CACNA2D3: variants seen among roughly 807,000 people sequenced by gnomAD.
CACNA2D3 encodes calcium voltage-gated channel auxiliary subunit alpha2delta 3, also known as voltage-dependent calcium channel subunit alpha-2/delta-3.
In CACNA2D3, 60 loss-of-function variants were observed where a neutral mutation model predicts 160.6. That is an observed-to-expected ratio of 0.37 (90% CI 0.30 to 0.46). The LOEUF (loss-of-function observed/expected upper bound fraction) is 0.46, where lower values mean the gene tolerates loss of function less well. Among genes scored for constraint, CACNA2D3 ranks in the 20% least tolerant of loss-of-function variants. The probability of loss-of-function intolerance (pLI) is 1.00; values close to 1 mark genes in which losing one functional copy is unlikely to be tolerated. For missense variants in CACNA2D3, 1,205 were observed against 1,365.0 expected (o/e 0.88, Z 1.85); for synonymous variants, 558 against 492.9 (o/e 1.13, Z -1.75).
At chr3:54,734,421 G>A (rs934390484) in intron 11 of CACNA2D3, among the ~76,000 whole-genome samples, 2 of 152,140 alleles carry the variant, frequency 1.3e-5, no homozygotes, top group Non-Finnish European at 2.9e-5. Flanking sequence ...CAGGACTACT[G>A]CAACTTCCCT....
rs1575511180 is a variant in CACNA2D3, at chr3:54,539,927, A to G, written c.545-22873A>G. 2.6e-5 allele frequency among the ~76,000 whole-genome samples: 4 copies of G among 152,232 alleles called. No homozygotes were observed. The East Asian group carries it at 7.7e-4, about 29-fold the overall frequency. On this transcript the variant is annotated intron_variant, in intron 5 of 37. Coordinates refer to ENST00000474759, the MANE Select transcript of CACNA2D3 (RefSeq NM_018398.3). Reference sequence around the variant, plus strand: ...CCTGCTTCTGGGTTGGAAGAGAGGAACCGCCATCCATTTTCCCTAAAAGAA... The same window carrying G: ...CCTGCTTCTGGGTTGGAAGAGAGGAGCCGCCATCCATTTTCCCTAAAAGAA...
At chr3:54,954,135 C>T (rs1326753872) in intron 27 of CACNA2D3, among the ~76,000 whole-genome samples, 1 of 152,168 alleles carries the variant, frequency 6.6e-6, no homozygotes, top group African/African-American at 2.4e-5. Context: ...GTTATTTAAT[C>T]ATGTCATCAT....
chr3:54,644,491 A>G (rs1271078921), intron 11 of CACNA2D3, among the ~76,000 whole-genome samples: 4 of 152,234 alleles, frequency 2.6e-5, no homozygotes, highest in African/African-American at 9.6e-5. Context: ...AATACGATTC[A>G]GCATTGTGTT....
intron 16 of CACNA2D3, among the ~76,000 whole-genome samples, chr3:54,843,034 G>T (rs1313055381): frequency 6.8e-6 from 1 of 147,808 alleles, no homozygotes; most frequent in Non-Finnish European, 1.5e-5. Flanking sequence ...CTAGAGTGCA[G>T]TGGTGCAACT....
intron 11 of CACNA2D3, among the ~76,000 whole-genome samples, chr3:54,656,780 C>T (rs1157591686): frequency 6.6e-6 from 1 of 152,248 alleles, no homozygotes; most frequent in Non-Finnish European, 1.5e-5. Context: ...GCCTGTTCTC[C>T]ACACAGCAGC....
rs573216429 is a variant in CACNA2D3 at position 54,635,030 on chromosome 3, A to T, written c.1054-7098A>T. Among the ~76,000 whole-genome samples, 8 of 151,968 alleles carry T rather than the reference A, an allele frequency of 5.3e-5. No homozygotes were observed. The East Asian group carries it at 1.4e-3, about 26-fold the overall frequency. ...GAGTGGTATGGAGAGAGAGTGGACG[A>T]TGTTTCTCAGGGCTGCTTCAAGCGG... On this transcript the variant is annotated intron_variant, in intron 10 of 37. Transcript: ENST00000474759.
chr3:54,980,347 T>C (rs1465808593), intron 29 of CACNA2D3, among the ~76,000 whole-genome samples: 1 of 152,212 alleles, frequency 6.6e-6, no homozygotes, highest in Non-Finnish European at 1.5e-5. Flanking sequence ...ATACTACCTC[T>C]TTAACTTTAG....
At chr3:54,998,238 C>A (rs2107127471) in intron 31 of CACNA2D3, among the ~76,000 whole-genome samples, 1 of 150,672 alleles carries the variant, frequency 6.6e-6, no homozygotes, top group East Asian at 2.0e-4. Flanking sequence ...TGGGTTCAAG[C>A]AATTCTCATG....
intron 4 of CACNA2D3, among the ~76,000 whole-genome samples, chr3:54,441,512 T>C (rs968535980): frequency 7.2e-5 from 11 of 152,240 alleles, no homozygotes; most frequent in Non-Finnish European, 2.9e-5. Context: ...TTGTCAATTT[T>C]GGCTTTTGTT....
intron 2 of CACNA2D3, among the ~76,000 whole-genome samples, chr3:54,169,598 A>G (rs545719890): frequency 6.6e-5 from 10 of 152,348 alleles, no homozygotes; most frequent in Admixed American, 2.0e-4. Context: ...ATGGTGACTC[A>G]TGCAATAAAG....
chr3:54,502,004 T>A (rs1235562240), intron 4 of CACNA2D3, among the ~76,000 whole-genome samples: 1 of 152,214 alleles, frequency 6.6e-6, no homozygotes, highest in Non-Finnish European at 1.5e-5. Context: ...GTAATCCTTA[T>A]CCCTGTTCCC....
At chr3:54,626,593 C>T in intron 9 of CACNA2D3, 1 of 1,518,724 alleles carries the variant, frequency 6.6e-7, no homozygotes, top group Non-Finnish European at 9.0e-7. Flanking sequence ...GCCCATAAAG[C>T]ACGGCGGGCC....
intron 27 of CACNA2D3, among the ~76,000 whole-genome samples, chr3:54,944,596 T>C (rs936168830): frequency 1.1e-4 from 17 of 152,002 alleles, no homozygotes; most frequent in African/African-American, 3.6e-4. Context: ...AATTTTTTTG[T>C]ATTTTTAGTA....
chr3:54,778,075 A>G (rs1017001098), intron 13 of CACNA2D3, among the ~76,000 whole-genome samples: 1 of 152,176 alleles, frequency 6.6e-6, no homozygotes, highest in Non-Finnish European at 1.5e-5. Context: ...TGAACATCTC[A>G]GTCTTTTCCT....
intron 34 of CACNA2D3, among the ~76,000 whole-genome samples, chr3:55,013,187 G>T (rs530681639): frequency 1.1e-4 from 16 of 152,204 alleles, no homozygotes; most frequent in African/African-American, 3.9e-4. Context: ...ATTATCTTCA[G>T]ATCTGTTCAA....
intron 13 of CACNA2D3, among the ~76,000 whole-genome samples, chr3:54,811,998 G>A (rs1003717039): frequency 2.0e-5 from 3 of 152,186 alleles, no homozygotes; most frequent in Admixed American, 1.3e-4. Flanking sequence ...ATGGTGGATA[G>A]CATGTCACAG....
rs1701882749 is a variant in CACNA2D3 at position 54,752,697 on chromosome 3, T to C, written c.1246+20T>C. Reference sequence around the variant, plus strand: ...ACAAAGGTGGGTCTTCGCATTGTGCTCGGCTCTGAATAACTTCCACCTACT... The same window carrying C: ...ACAAAGGTGGGTCTTCGCATTGTGCCCGGCTCTGAATAACTTCCACCTACT... On this transcript the variant is annotated intron_variant, in intron 12 of 37. Transcript: ENST00000474759. The C allele has an allele frequency of 1.9e-6, 3 of 1,583,216 alleles. No individual in the cohort carries two copies. The East Asian group carries it at 6.7e-5, about 36-fold the overall frequency.
chr3:54,345,584 C>T (rs368917085), intron 3 of CACNA2D3, among the ~76,000 whole-genome samples: 23 of 152,016 alleles, frequency 1.5e-4, no homozygotes, highest in African/African-American at 1.9e-4. Context: ...TCGGAGTTCC[C>T]GAGAGGCTGA....
chr3:55,002,279 C>A (rs1455293686), intron 31 of CACNA2D3, among the ~76,000 whole-genome samples: 2 of 152,208 alleles, frequency 1.3e-5, no homozygotes, highest in African/African-American at 2.4e-5. Context: ...CAACCCCATG[C>A]TGCCTCTCAC....
Sources: gnomAD v4.1 joint callset for allele counts (sites outside exome capture counted in the v4.1 genomes callset) on GRCh38, gnomAD v4.1.1 for gene constraint, MANE v1.5 for transcripts, NCBI Gene and HGNC (gene_info 2026-07-23, HGNC 2026-07-21) for gene names.